EPHA3: variants seen among roughly 807,000 people sequenced by gnomAD.
EPHA3 encodes EPH receptor A3.
In EPHA3, 42 loss-of-function variants were observed where a neutral mutation model predicts 107.1. The ratio of observed to expected loss-of-function variants is 0.39; its 90% CI spans 0.31 to 0.51. EPHA3 has a LOEUF of 0.51. Among genes scored for constraint, EPHA3 ranks in the 20% least tolerant of loss-of-function variants. The probability of loss-of-function intolerance (pLI) is 0.78; values close to 1 mark genes in which losing one functional copy is unlikely to be tolerated. For missense variants in EPHA3, 1,183 were observed against 1,211.2 expected, an observed-to-expected ratio of 0.98 and a Z score of 0.35; for synonymous variants, 461 against 424.8, an observed-to-expected ratio of 1.09 and a Z score of -1.05.
chr3:89,219,037 G>T (rs1576240189), intron 3 of EPHA3, among the ~76,000 whole-genome samples: 1 of 152,116 alleles, frequency 6.6e-6, no homozygotes, highest in Non-Finnish European at 1.5e-5. Context: ...GGTCTGGTAA[G>T]CATGAAAGAC....
chr3:89,171,985 A>G (rs575563427), intron 2 of EPHA3, among the ~76,000 whole-genome samples: 36 of 151,984 alleles, frequency 2.4e-4, no homozygotes, highest in Non-Finnish European at 5.0e-4. Context: ...ATAGATTGCA[A>G]TTTCTTCCAT....
At chr3:89,377,748 C>A (rs1157160243) in intron 5 of EPHA3, among the ~76,000 whole-genome samples, 1 of 151,956 alleles carries the variant, frequency 6.6e-6, no homozygotes, top group Non-Finnish European at 1.5e-5. Flanking sequence ...AATAATGATT[C>A]TTGGCTTATT....
chr3:89,200,426 T>G (rs746754869), intron 2 of EPHA3, among the ~76,000 whole-genome samples: 103 of 152,274 alleles, frequency 6.8e-4, no homozygotes, highest in Non-Finnish European at 1.3e-3. Flanking sequence ...ATAATCTTTT[T>G]GGGAAATGTT....
intron 9 of EPHA3, among the ~76,000 whole-genome samples, chr3:89,409,520 T>C (rs1709117606): frequency 6.6e-6 from 1 of 151,988 alleles, no homozygotes; most frequent in African/African-American, 2.4e-5. Context: ...ATTAAACAGG[T>C]TCCTCTATCG....
intron 2 of EPHA3, among the ~76,000 whole-genome samples, chr3:89,132,361 T>C (rs1022724557): frequency 2.0e-5 from 3 of 152,240 alleles, no homozygotes; most frequent in African/African-American, 7.2e-5. Flanking sequence ...GAATGTTTTA[T>C]CTTTGCTCAA....
At chr3:89,385,972 A>G (rs1402614564) in intron 5 of EPHA3, among the ~76,000 whole-genome samples, 1 of 152,208 alleles carries the variant, frequency 6.6e-6, no homozygotes, top group Non-Finnish European at 1.5e-5. Flanking sequence ...TTCTTTTAAT[A>G]GCTTGGCAAA....
In EPHA3 at chr3:89,288,607, A is replaced by G. The variant is rs188747354; in HGVS notation, c.815-52309A>G. ...TCTATGTGAGTGGAAAAGGGTTGCTATCACCCAGTAATGTTCTCAGATGAA... is the reference window on the plus strand; with the variant it reads ...TCTATGTGAGTGGAAAAGGGTTGCTGTCACCCAGTAATGTTCTCAGATGAA... On this transcript the variant is annotated intron_variant, in intron 3 of 16. Transcript: ENST00000336596. Among the ~76,000 whole-genome samples the G allele has an allele frequency of 7.9e-5, 12 of 152,276 alleles. No homozygotes were observed. The East Asian group carries it at 2.1e-3, about 27-fold the overall frequency.
In EPHA3 at chr3:89,206,309, A is replaced by G. The variant is rs138713949; in HGVS notation, c.154-3551A>G. Reference sequence around the variant, plus strand: ...CTCCATAATTAAAATCATATTTTACATCAAGTTATGAAAACCTCTACACAA... The same window carrying G: ...CTCCATAATTAAAATCATATTTTACGTCAAGTTATGAAAACCTCTACACAA... On this transcript the variant is annotated intron_variant, in intron 2 of 16. Coordinates refer to ENST00000336596, the MANE Select transcript of EPHA3 (RefSeq NM_005233.6). Among the ~76,000 whole-genome samples the G allele has an allele frequency of 5.7e-3, 868 of 152,310 alleles. 7 individuals are homozygous for G. The highest frequency in any genetic ancestry group is 0.02 in the African/African-American group (813 of 41,570).
chr3:89,213,427 T>C (rs1293885438), intron 3 of EPHA3, among the ~76,000 whole-genome samples: 1 of 152,014 alleles, frequency 6.6e-6, no homozygotes, highest in East Asian at 1.9e-4. Context: ...ATTATTTATC[T>C]TTGATTCCAC....
intron 3 of EPHA3, among the ~76,000 whole-genome samples, chr3:89,231,960 C>A (rs1197279935): frequency 6.6e-6 from 1 of 152,098 alleles, no homozygotes; most frequent in Non-Finnish European, 1.5e-5. Flanking sequence ...ATGGACAGTT[C>A]TTTTTCGTCT....
intron 10 of EPHA3, 36 bp downstream of exon 10, chr3:89,413,302 T>C: frequency 6.2e-7 from 1 of 1,609,898 alleles, no homozygotes; most frequent in South Asian, 1.1e-5. Context: ...CTTAGTACTG[T>C]ATGTGAATCA....
chr3:89,321,443 G>T (rs1466393263), intron 3 of EPHA3, among the ~76,000 whole-genome samples: 3 of 152,088 alleles, frequency 2.0e-5, no homozygotes, highest in Non-Finnish European at 4.4e-5. Context: ...TCTGCTCTAA[G>T]AAATGTTCTG....
intron 3 of EPHA3, among the ~76,000 whole-genome samples, chr3:89,315,962 C>T (rs1706889235): frequency 6.6e-6 from 1 of 151,674 alleles, no homozygotes; most frequent in African/African-American, 2.4e-5. Flanking sequence ...GTGTGGTGAC[C>T]CACATGTAGA....
intron 3 of EPHA3, among the ~76,000 whole-genome samples, chr3:89,252,742 T>C (rs1705193114): frequency 6.6e-6 from 1 of 151,976 alleles, no homozygotes; most frequent in Non-Finnish European, 1.5e-5. Flanking sequence ...TTTTAAAATA[T>C]TATTCAAGTT....
intron 11 of EPHA3, 65 bp downstream of exon 11, chr3:89,419,455 C>A: frequency 2.9e-6 from 4 of 1,399,570 alleles, no homozygotes; most frequent in Non-Finnish European, 2.8e-6. Flanking sequence ...AAACCCAACC[C>A]CAACCATTTA....
chr3:89,204,373 G>A (rs1706048623), intron 2 of EPHA3, among the ~76,000 whole-genome samples: 1 of 151,534 alleles, frequency 6.6e-6, no homozygotes, highest in African/African-American at 2.4e-5. Flanking sequence ...ATTTGTCTTC[G>A]GATCCTGTCC....
At chr3:89,303,617 G>A (rs532815071) in intron 3 of EPHA3, among the ~76,000 whole-genome samples, 3 of 152,050 alleles carry the variant, frequency 2.0e-5, no homozygotes, top group South Asian at 4.2e-4. Flanking sequence ...TATGAAAGAG[G>A]CAATTTAGTC....
At position 89,450,328 on chromosome 3, in the gene EPHA3, G is replaced by A. The variant is rs758342526; in HGVS notation, c.2648G>A (p.Arg883Gln). ...QIVSILDKLIRNPGSLKIITS... is the reference protein window; with the variant it reads ...QIVSILDKLIQNPGSLKIITS... ...GTTAGTATTCTGGACAAGCTTATCC[G>A]GAATCCCGGCAGCCTGAAGATCATC... Residue 883 changes from arginine (R) to glutamine (Q), a missense_variant, in exon 15 of 17, where the codon CGG (arginine) becomes CAG (glutamine). Physicochemically the swap from Arg to Gln is conservative, Grantham distance 43. Transcript: ENST00000336596. 6.2e-6 allele frequency: 10 copies of A among 1,613,392 alleles called. No individual in the cohort carries two copies. In the Admixed American group the frequency reaches 6.7e-5, roughly 11 times the overall value.
intron 6 of EPHA3, 132 bp downstream of exon 6, chr3:89,396,093 C>T: frequency 8.2e-7 from 1 of 1,214,954 alleles, no homozygotes; most frequent in Admixed American, 2.6e-5. Context: ...GGCCCTGTGA[C>T]CCCTTTGATT....
Sources: gnomAD v4.1 joint callset for allele counts (sites outside exome capture counted in the v4.1 genomes callset) on GRCh38, gnomAD v4.1.1 for gene constraint, MANE v1.5 for transcripts, NCBI Gene and HGNC (gene_info 2026-07-23, HGNC 2026-07-21) for gene names.